The following SLCO3A1 variants were observed in gnomAD, a reference collection of about 807,000 sequenced individuals.
The protein encoded by SLCO3A1 is PGE1 transporter.
SLCO3A1 carries 27 observed loss-of-function variants against 63.1 expected under a neutral mutation model. That is an observed-to-expected ratio of 0.43 (90% CI 0.32 to 0.59). SLCO3A1 has a LOEUF of 0.59. Ranked by LOEUF, SLCO3A1 falls within the 20% of genes least tolerant of loss-of-function variation. The pLI, the probability that SLCO3A1 is intolerant of heterozygous loss-of-function variation, is 0.09. For synonymous variants in SLCO3A1, 473 were observed against 409.9 expected (o/e 1.15, Z -1.86); for missense variants, 773 against 945.8 (o/e 0.82, Z 2.40).
At chr15:91,933,279 T>C (rs967617239) in intron 2 of SLCO3A1, among the ~76,000 whole-genome samples, 1 of 152,202 alleles carries the variant, frequency 6.6e-6, no homozygotes, top group African/African-American at 2.4e-5. Context: ...TCCAAAAATA[T>C]ATAATTATGT....
At chr15:92,148,076 C>A (rs1304970208) in intron 8 of SLCO3A1, among the ~76,000 whole-genome samples, 1 of 152,190 alleles carries the variant, frequency 6.6e-6, no homozygotes, top group African/African-American at 2.4e-5. Flanking sequence ...GGCGTGTTGG[C>A]ACATGCTTGT....
chr15:92,073,047 T>C (rs1235037817), intron 2 of SLCO3A1, among the ~76,000 whole-genome samples: 1 of 151,910 alleles, frequency 6.6e-6, no homozygotes, highest in Non-Finnish European at 1.5e-5. Flanking sequence ...CCCACCCCTT[T>C]CCCCCATCCT....
At chr15:91,869,076 C>T (rs747459402) in intron 1 of SLCO3A1, among the ~76,000 whole-genome samples, 4 of 152,198 alleles carry the variant, frequency 2.6e-5, no homozygotes, top group Non-Finnish European at 5.9e-5. Flanking sequence ...GCACCTTCCT[C>T]TCTGCCCTCA....
At chr15:92,131,255 CT>C (rs2047991967) in intron 7 of SLCO3A1, among the ~76,000 whole-genome samples, 1 of 152,032 alleles carries the variant, frequency 6.6e-6, no homozygotes, top group Non-Finnish European at 1.5e-5. Context: ...AGAGGTCCAC[CT>C]TTTTTCTACC....
At chr15:92,115,982 A>G (rs927176259) in intron 4 of SLCO3A1, among the ~76,000 whole-genome samples, 6 of 152,072 alleles carry the variant, frequency 3.9e-5, no homozygotes, top group African/African-American at 1.4e-4. Flanking sequence ...TGCATGCTTA[A>G]TCTTCAAACC....
chr15:92,150,047 A>G (rs748242079), intron 8 of SLCO3A1, among the ~76,000 whole-genome samples: 45 of 152,226 alleles, frequency 3.0e-4, no homozygotes, highest in Non-Finnish European at 4.9e-4. Flanking sequence ...GTCTAACTCA[A>G]CCAGCCAGAG....
intron 2 of SLCO3A1, among the ~76,000 whole-genome samples, chr15:91,958,098 T>C (rs1025405445): frequency 2.0e-5 from 3 of 152,228 alleles, no homozygotes; most frequent in Non-Finnish European, 4.4e-5. Flanking sequence ...AGATGAATTA[T>C]GTAGCCTAGG....
rs1308430946 is a variant in SLCO3A1, at chr15:91,954,417, A to G, written c.646+37959A>G. ...GGGTACTGCACAGAGTGAGGCAGTCAGAAGTCCTGCCCTCTGCAGTTTCCA... is the reference window on the plus strand; with the variant it reads ...GGGTACTGCACAGAGTGAGGCAGTCGGAAGTCCTGCCCTCTGCAGTTTCCA... On this transcript the variant is annotated intron_variant, in intron 2 of 9. Coordinates refer to ENST00000318445, the MANE Select transcript of SLCO3A1 (RefSeq NM_013272.4). The surrounding 1 kb of genome is among the most constrained non-coding windows in gnomAD (Gnocchi z 4.7). Among the ~76,000 whole-genome samples the G allele has an allele frequency of 1.3e-5, 2 of 152,204 alleles. No individual in the cohort carries two copies. The highest frequency in any genetic ancestry group is 3.9e-4 in the East Asian group (2 of 5,194).
At chr15:92,155,748 T>G (rs1171009969) in intron 9 of SLCO3A1, among the ~76,000 whole-genome samples, 2 of 152,032 alleles carry the variant, frequency 1.3e-5, no homozygotes, top group Non-Finnish European at 2.9e-5. Context: ...CCAACCGACC[T>G]AAGTGAAAGC....
At chr15:91,891,765 A>T (rs984935198) in intron 1 of SLCO3A1, among the ~76,000 whole-genome samples, 3 of 152,258 alleles carry the variant, frequency 2.0e-5, no homozygotes, top group African/African-American at 7.2e-5. Context: ...TAGGAAAATC[A>T]AACCCAGGTA....
At chr15:91,927,209 C>T (rs2083564616) in intron 2 of SLCO3A1, among the ~76,000 whole-genome samples, 1 of 152,160 alleles carries the variant, frequency 6.6e-6, no homozygotes, top group Admixed American at 6.5e-5. Flanking sequence ...TCCATCCCTT[C>T]TTTCAGCCTA....
intron 2 of SLCO3A1, among the ~76,000 whole-genome samples, chr15:92,068,178 C>T (rs770105896): frequency 3.9e-5 from 6 of 152,148 alleles, no homozygotes; most frequent in African/African-American, 7.2e-5. Context: ...ATGGTGCAGG[C>T]GTGATAGAGC....
Position 91,863,545 on chromosome 15 carries a change from G to C in SLCO3A1, c.180+9457G>C, listed in dbSNP as rs1253505392. On this transcript the variant is annotated intron_variant, in intron 1 of 9. Coordinates refer to ENST00000318445, the MANE Select transcript of SLCO3A1 (RefSeq NM_013272.4). The surrounding 1 kb of genome is among the most constrained non-coding windows in gnomAD (Gnocchi z 4.3). Reference sequence around the variant, plus strand: ...GTGGGATGCTTTGCATAAGCAGCATGTATTCCAGTGTGGCACATCACACCA... The same window carrying C: ...GTGGGATGCTTTGCATAAGCAGCATCTATTCCAGTGTGGCACATCACACCA... Among the ~76,000 whole-genome samples the C allele has an allele frequency of 1.3e-5, 2 of 152,236 alleles. No individual in the cohort carries two copies. The highest frequency in any genetic ancestry group is 2.9e-5 in the Non-Finnish European group (2 of 68,048).
chr15:92,038,629 C>CA (rs1258579587), intron 2 of SLCO3A1, among the ~76,000 whole-genome samples: 1 of 152,170 alleles, frequency 6.6e-6, no homozygotes, highest in Non-Finnish European at 1.5e-5. Flanking sequence ...CAAAACATTC[C>CA]ATCCTCCTGG....
At chr15:92,072,187 C>CCAT (rs1224053374) in intron 2 of SLCO3A1, among the ~76,000 whole-genome samples, 1 of 151,154 alleles carries the variant, frequency 6.6e-6, no homozygotes, top group East Asian at 1.9e-4. Context: ...AGCGTAACCA[C>CCAT]CATTCTTTTT....
chr15:91,982,973 C>T lies in SLCO3A1; in HGVS notation c.646+66515C>T, dbSNP rs528572427. 4.5e-4 allele frequency among the ~76,000 whole-genome samples: 69 copies of T among 152,352 alleles called. 1 individual carries two copies. The highest frequency in any genetic ancestry group is 3.1e-3 in the South Asian group (15 of 4,832). The stretch of plus-strand genomic sequence containing the variant: ...GGAACTGAGGGAGTCTGTCCCTTTA[C>T]GGAATGGCAGCCCCTGCTTGGGCTA... On this transcript the variant is annotated intron_variant, in intron 2 of 9. Transcript: ENST00000318445.
At chr15:92,061,618 G>C (rs1482140680) in intron 2 of SLCO3A1, among the ~76,000 whole-genome samples, 1 of 152,226 alleles carries the variant, frequency 6.6e-6, no homozygotes, top group African/African-American at 2.4e-5. Flanking sequence ...TCCTAAGAAA[G>C]CTAAGAGGTG....
chr15:91,976,528 GC>G (rs1226654245), intron 2 of SLCO3A1, among the ~76,000 whole-genome samples: 1 of 152,102 alleles, frequency 6.6e-6, no homozygotes, highest in East Asian at 1.9e-4. Flanking sequence ...GTGCCATTGG[GC>G]TTCGAGACTT....
At chr15:91,981,369 C>T (rs549966651) in intron 2 of SLCO3A1, among the ~76,000 whole-genome samples, 35 of 152,290 alleles carry the variant, frequency 2.3e-4, no homozygotes, top group Non-Finnish European at 4.6e-4. Context: ...TGAGGCCCCT[C>T]GGAATCCGCG....
Sources: gnomAD v4.1 joint callset for allele counts (sites outside exome capture counted in the v4.1 genomes callset) on GRCh38, gnomAD v4.1.1 for gene constraint, Gnocchi (gnomAD v3.1) non-coding constraint, MANE v1.5 for transcripts, NCBI Gene and HGNC (gene_info 2026-07-23, HGNC 2026-07-21) for gene names.